Variants in SERPINB8 observed in about 807,000 individuals in gnomAD.
The protein encoded by SERPINB8 is serpin B8.
In SERPINB8, 25 loss-of-function variants were observed where a neutral mutation model predicts 35.3. The ratio of observed to expected loss-of-function variants is 0.71; its 90% CI spans 0.52 to 0.99. The LOEUF (loss-of-function observed/expected upper bound fraction) is 0.99, where lower values mean the gene tolerates loss of function less well. Ranked by LOEUF, SERPINB8 falls within the 50% of genes least tolerant of loss-of-function variation. SERPINB8 has a pLI of 0.00. For synonymous variants in SERPINB8, 186 were observed against 160.8 expected, an observed-to-expected ratio of 1.16 and a Z score of -1.19; for missense variants, 484 against 446.5, an observed-to-expected ratio of 1.08 and a Z score of -0.76.
chr18:63,993,948 G>T (rs576281717), downstream of SERPINB8, among the ~76,000 whole-genome samples: 3 of 152,312 alleles, frequency 2.0e-5, no homozygotes, highest in Non-Finnish European at 4.4e-5. Flanking sequence ...CTGAGACACT[G>T]TTCAGGAGCC....
At chr18:64,006,851 G>A (rs2050902258), downstream of SERPINB8, among the ~76,000 whole-genome samples, 1 of 151,942 alleles carries the variant, frequency 6.6e-6, no homozygotes, top group Non-Finnish European at 1.5e-5. Flanking sequence ...AACTTCATGG[G>A]AATTTGTAGA....
chr18:64,010,437 A>G (rs1241746876), downstream of SERPINB8, among the ~76,000 whole-genome samples: 1 of 152,184 alleles, frequency 6.6e-6, no homozygotes, highest in Non-Finnish European at 1.5e-5. Flanking sequence ...ATGCAAAATC[A>G]TACTCATAGC....
chr18:64,018,386 A>C (rs2050960170), intron 7 of SERPINB8, among the ~76,000 whole-genome samples: 1 of 152,210 alleles, frequency 6.6e-6, no homozygotes, highest in Non-Finnish European at 1.5e-5. Flanking sequence ...TTTCAAGAGC[A>C]AATCAATGCA....
rs213078 is a variant in SERPINB8, at chr18:64,011,604, G to A, written c.*2+6724G>A. Among the ~76,000 whole-genome samples the A allele has an allele frequency of 1.1e-3, 168 of 152,192 alleles. 1 individual carries two copies. Among genetic ancestry groups the A allele is most frequent in the African/African-American group, 3.7e-3 (155 of 41,548 alleles). On this transcript the variant is annotated intron_variant, in intron 7 of 7. Coordinates refer to the SERPINB8 transcript ENST00000636430. Reference sequence around the variant, plus strand: ...CATTGGTGCCTATATTGTTGTCACCGCAAGTTCATGTTGGTGCTGTATTTG... The same window carrying A: ...CATTGGTGCCTATATTGTTGTCACCACAAGTTCATGTTGGTGCTGTATTTG...
At chr18:63,983,487 C>T in intron 4 of SERPINB8, 92 bp from the exon 5 acceptor site, 1 of 1,263,484 alleles carries the variant, frequency 7.9e-7, no homozygotes, top group Non-Finnish European at 1.1e-6. Flanking sequence ...GCCTGTCTCT[C>T]AACCAAGCCT....
intron 5 of SERPINB8, 119 bp from the exon 6 acceptor site, chr18:63,984,974 C>A: frequency 1.1e-6 from 1 of 905,782 alleles, no homozygotes; most frequent in South Asian, 1.8e-5. Flanking sequence ...TTATATCTAT[C>A]AGCATAAATG....
rs552928311 is a variant in SERPINB8, at chr18:63,970,983, C to T, written c.-11+813C>T. Among the ~76,000 whole-genome samples the T allele has an allele frequency of 1.4e-3, 211 of 152,292 alleles. 2 individuals carry two copies. Among genetic ancestry groups the T allele is most frequent in the African/African-American group, 4.9e-3 (203 of 41,564 alleles). On this transcript the variant is annotated intron_variant, in intron 1 of 6. Transcript: ENST00000397985. ...TCTCAGTCCTCTGGCTGCTGCTTCACTCCTGAGACCTCTCCATTCCAAAGG... is the reference window on the plus strand; with the variant it reads ...TCTCAGTCCTCTGGCTGCTGCTTCATTCCTGAGACCTCTCCATTCCAAAGG...
At position 63,987,231 on chromosome 18, in the gene SERPINB8, C is replaced by T. The variant is rs1478245435; in HGVS notation, c.1078C>T (p.His360Tyr). 34 of 1,613,990 alleles carry T rather than the reference C, an allele frequency of 2.1e-5. No homozygotes were observed. The highest frequency in any genetic ancestry group is 2.7e-5 in the Non-Finnish European group (32 of 1,179,992). The change falls in exon 7 of 7, where the codon CAC becomes TAC. Residue 360 changes from histidine (H) to tyrosine (Y), a missense_variant. Transcript: ENST00000397985. The part of the protein sequence containing the change: ...DHPFLFFIRH[H>Y]KTNCILFCGR... ...CCCTTTTCTTTTCTTCATCAGGCACCACAAAACCAACTGCATCTTGTTCTG... is the reference window on the plus strand; with the variant it reads ...CCCTTTTCTTTTCTTCATCAGGCACTACAAAACCAACTGCATCTTGTTCTG...
At chr18:64,005,044 C>T (rs191709025) in exon 2 of SERPINB8, 2 of 392,176 alleles carry the variant, frequency 5.1e-6, no homozygotes, top group Admixed American at 8.8e-5. Flanking sequence ...TTGGGTCCCA[C>T]AAAACACCTG....
chr18:64,005,202 A>C, exon 2 of SERPINB8: 1 of 207,162 alleles, frequency 4.8e-6, no homozygotes, highest in Non-Finnish European at 9.6e-6. Flanking sequence ...CACTGACAAC[A>C]TCAAGAGTGG....
chr18:63,986,653 A>C (rs2050759421), intron 6 of SERPINB8: 1 of 1,337,838 alleles, frequency 7.5e-7, no homozygotes. Flanking sequence ...TGCCTGTCTC[A>C]GGTGTTTACT....
At chr18:63,990,720 T>A (rs1048600541), downstream of SERPINB8, among the ~76,000 whole-genome samples, 1 of 135,570 alleles carries the variant, frequency 7.4e-6, no homozygotes, top group Non-Finnish European at 1.6e-5. Flanking sequence ...CCTGTGTCCA[T>A]GTGTTCTCAT....
chr18:63,997,015 A>G (rs553194951), intron 1 of SERPINB8, among the ~76,000 whole-genome samples: 21 of 152,308 alleles, frequency 1.4e-4, no homozygotes, highest in African/African-American at 4.8e-4. Context: ...CCTGGACCCC[A>G]TGGATCCACA....
At chr18:63,999,152 G>GT (rs1389201782) in intron 1 of SERPINB8, among the ~76,000 whole-genome samples, 2 of 152,154 alleles carry the variant, frequency 1.3e-5, no homozygotes, top group African/African-American at 4.8e-5. Flanking sequence ...TCTCTCATGG[G>GT]TAGTCTGTGT....
chr18:63,988,761 A>G lies in SERPINB8; in HGVS notation c.*1483A>G, dbSNP rs889202922. On this transcript the variant is annotated 3_prime_UTR_variant, in exon 7 of 7. Coordinates refer to ENST00000397985, the MANE Select transcript of SERPINB8 (RefSeq NM_002640.4). ...AGCCAGGATATATCTGTTAGGCCACATTCATTTAGGGATCATGTTTTCCAA... is the reference window on the plus strand; with the variant it reads ...AGCCAGGATATATCTGTTAGGCCACGTTCATTTAGGGATCATGTTTTCCAA... 2.0e-5 allele frequency: 3 copies of G among 152,256 alleles called. No individual in the cohort carries two copies. Among genetic ancestry groups the G allele is most frequent in the Admixed American group, 1.3e-4 (2 of 15,280 alleles). The allele number at this position is 152,256 out of a possible 1,614,324, so 9.4% of individuals were successfully genotyped here. A position where few individuals can be genotyped will look rare whatever the true frequency, so the allele number is the denominator to read the frequency against.
chr18:63,991,059 T>C (rs1371873964), downstream of SERPINB8, among the ~76,000 whole-genome samples: 2 of 152,274 alleles, frequency 1.3e-5, no homozygotes, highest in Admixed American at 6.5e-5. Context: ...CTGGATTCTA[T>C]TGGATTCCAT....
chr18:63,996,026 T>C (rs2050847400), intron 1 of SERPINB8, among the ~76,000 whole-genome samples: 1 of 152,062 alleles, frequency 6.6e-6, no homozygotes, highest in African/African-American at 2.4e-5. Context: ...AGGGGTCGGG[T>C]TTCTCATTGT....
intron 2 of SERPINB8, 144 bp from the exon 3 acceptor site, chr18:63,979,656 GA>G: frequency 4.3e-6 from 4 of 920,916 alleles, no homozygotes; most frequent in Non-Finnish European, 6.7e-6. Flanking sequence ...TGCCCACGTT[GA>G]GAAACCCTGT....
At chr18:63,995,211 GCCTCA>G (rs1782500674) in intron 1 of SERPINB8, among the ~76,000 whole-genome samples, 1 of 152,130 alleles carries the variant, frequency 6.6e-6, no homozygotes, top group Admixed American at 6.5e-5. Flanking sequence ...GACTTGAAGA[GCCTCA>G]CGATCCTCTC....
Sources: gnomAD v4.1 joint callset for allele counts (sites outside exome capture counted in the v4.1 genomes callset) on GRCh38, gnomAD v4.1.1 for gene constraint, MANE v1.5 for transcripts, NCBI Gene and HGNC (gene_info 2026-07-23, HGNC 2026-07-21) for gene names.